PTPRD: variants seen among roughly 807,000 people sequenced by gnomAD.
The protein encoded by PTPRD is protein tyrosine phosphatase receptor type D, also known as receptor-type tyrosine-protein phosphatase delta.
A neutral mutation model predicts 214.5 loss-of-function variants in PTPRD; 34 were observed. That is an observed-to-expected ratio of 0.16 (90% CI 0.12 to 0.21). The LOEUF (loss-of-function observed/expected upper bound fraction) is 0.21. PTPRD is among the 10% of genes least tolerant of loss of function. The probability of loss-of-function intolerance (pLI) is 1.00; values close to 1 mark genes in which losing one functional copy is unlikely to be tolerated. For missense variants in PTPRD, 2,545 were observed against 2,398.7 expected (o/e 1.06, Z -1.27); for synonymous variants, 1,128 against 845.7 (o/e 1.33, Z -5.79).
chr9:9,245,724 C>G (rs772217618), intron 9 of PTPRD, among the ~76,000 whole-genome samples: 3 of 152,092 alleles, frequency 2.0e-5, no homozygotes, highest in Non-Finnish European at 4.4e-5. Flanking sequence ...ACATATGTAA[C>G]AAACCTGCAC....
chr9:8,690,528 CAAA>C lies in PTPRD; in HGVS notation c.64+43249_64+43251del, dbSNP rs60727792. On this transcript the variant is annotated intron_variant, in intron 12 of 45. Coordinates refer to ENST00000381196, the MANE Select transcript of PTPRD (RefSeq NM_002839.4). ...TGGGCGACAGAGCAAGACTCCGTCT[CAAA>C]AAAAAAAAAAAAATTAGATTTAATC... 1.0e-3 allele frequency among the ~76,000 whole-genome samples: 127 copies of C among 126,888 alleles called. 1 individual carries two copies. Among genetic ancestry groups the C allele is most frequent in the African/African-American group, 2.9e-3 (109 of 37,434 alleles). The allele number at this position is 126,888 out of a possible 152,430, so 83.2% of individuals were successfully genotyped here. A position where few individuals can be genotyped will look rare whatever the true frequency, so the allele number is the denominator to read the frequency against.
chr9:9,680,245 G>C (rs1057266767), intron 7 of PTPRD, among the ~76,000 whole-genome samples: 1 of 151,722 alleles, frequency 6.6e-6, no homozygotes, highest in Non-Finnish European at 1.5e-5. Context: ...TAATCTACAA[G>C]AAGATAAGTA....
chr9:9,123,333 G>A (rs1343728208), intron 10 of PTPRD, among the ~76,000 whole-genome samples: 1 of 152,142 alleles, frequency 6.6e-6, no homozygotes, highest in Non-Finnish European at 1.5e-5. Flanking sequence ...CCTTCAGCAA[G>A]CTGTGTGTGT....
intron 6 of PTPRD, among the ~76,000 whole-genome samples, chr9:9,738,439 CT>C (rs71319292): frequency 0.18 from 13,778 of 75,224 alleles, 386 homozygotes; most frequent in Middle Eastern, 0.29. Context: ...CACTCACTCA[CT>C]TTTTTTTTTT....
At chr9:8,427,172 T>C (rs1426301600) in intron 35 of PTPRD, among the ~76,000 whole-genome samples, 2 of 152,174 alleles carry the variant, frequency 1.3e-5, no homozygotes, top group African/African-American at 4.8e-5. Context: ...AGGGACTTTA[T>C]TCAGTAGGTA....
intron 2 of PTPRD, among the ~76,000 whole-genome samples, chr9:10,502,723 G>A (rs1015677323): frequency 2.0e-5 from 3 of 152,056 alleles, no homozygotes; most frequent in African/African-American, 4.8e-5. Context: ...AAAAATGTAG[G>A]TATGTATCTT....
chr9:10,171,312 T>C (rs1208301153), intron 3 of PTPRD, among the ~76,000 whole-genome samples: 1 of 151,956 alleles, frequency 6.6e-6, no homozygotes, highest in Non-Finnish European at 1.5e-5. Context: ...ACGGGGGTGG[T>C]TTCCTCCATA....
chr9:8,507,140 C>T (rs891154480), intron 22 of PTPRD, among the ~76,000 whole-genome samples, 161 bp downstream of exon 22: 3 of 151,728 alleles, frequency 2.0e-5, no homozygotes, highest in Non-Finnish European at 2.9e-5. Flanking sequence ...TGGGGTTTTT[C>T]TTGGGGGGGA....
chr9:10,134,920 G>T (rs2098931003), intron 3 of PTPRD, among the ~76,000 whole-genome samples: 1 of 152,074 alleles, frequency 6.6e-6, no homozygotes, highest in Admixed American at 6.6e-5. Flanking sequence ...TTCAGAATCT[G>T]GGAGGCAAGG....
intron 3 of PTPRD, among the ~76,000 whole-genome samples, chr9:10,052,046 G>T (rs1460122363): frequency 6.6e-6 from 1 of 152,096 alleles, no homozygotes; most frequent in East Asian, 1.9e-4. Flanking sequence ...CTGGGCTCAA[G>T]CAAACCTCCT....
chr9:8,541,969 C>A (rs555669585), intron 14 of PTPRD, among the ~76,000 whole-genome samples: 5 of 152,072 alleles, frequency 3.3e-5, no homozygotes, highest in African/African-American at 1.2e-4. Context: ...ATGGCCAAAA[C>A]CACTACCAAA....
At chr9:10,067,584 C>G (rs567408482) in intron 3 of PTPRD, among the ~76,000 whole-genome samples, 1 of 151,660 alleles carries the variant, frequency 6.6e-6, no homozygotes, top group Admixed American at 6.6e-5. Context: ...TGAGACTCTG[C>G]GAGGAGGTAT....
At chr9:10,394,448 A>T (rs2154492786) in intron 2 of PTPRD, among the ~76,000 whole-genome samples, 1 of 151,768 alleles carries the variant, frequency 6.6e-6, no homozygotes, top group East Asian at 2.0e-4. Context: ...AAACACTATC[A>T]CTTAGTAGCA....
chr9:10,017,893 T>G (rs976351669), intron 4 of PTPRD, among the ~76,000 whole-genome samples: 8 of 152,144 alleles, frequency 5.3e-5, no homozygotes, highest in Non-Finnish European at 8.8e-5. Context: ...TAAAAACATT[T>G]GAATACCCTC....
chr9:10,118,950 ATAG>A, intron 3 of PTPRD, among the ~76,000 whole-genome samples: 1 of 151,888 alleles, frequency 6.6e-6, no homozygotes, highest in East Asian at 1.9e-4. Context: ...AAAGAGATAC[ATAG>A]AATAAAAACA....
At chr9:8,374,614 T>A (rs1285352857) in intron 39 of PTPRD, among the ~76,000 whole-genome samples, 6 of 152,014 alleles carry the variant, frequency 3.9e-5, no homozygotes, top group Non-Finnish European at 8.8e-5. Flanking sequence ...GCAAACTTTG[T>A]AGCCTCTCAC....
intron 12 of PTPRD, among the ~76,000 whole-genome samples, chr9:8,654,971 A>G (rs2096881558): frequency 6.6e-6 from 1 of 152,116 alleles, no homozygotes. Context: ...TTTTTTTCAT[A>G]AGAAAAACAA....
chr9:8,681,262 C>G (rs2097544213), intron 12 of PTPRD, among the ~76,000 whole-genome samples: 1 of 151,830 alleles, frequency 6.6e-6, no homozygotes, highest in Non-Finnish European at 1.5e-5. Context: ...TCCGTATAAC[C>G]AAAGCAAACA....
intron 8 of PTPRD, among the ~76,000 whole-genome samples, chr9:9,413,541 G>T (rs890917750): frequency 1.3e-5 from 2 of 152,092 alleles, no homozygotes; most frequent in African/African-American, 2.4e-5. Context: ...ATTATTAAAG[G>T]CTTATTCATC....
Sources: gnomAD v4.1 joint callset for allele counts (sites outside exome capture counted in the v4.1 genomes callset) on GRCh38, gnomAD v4.1.1 for gene constraint, MANE v1.5 for transcripts, NCBI Gene and HGNC (gene_info 2026-07-23, HGNC 2026-07-21) for gene names.